The following NDUFA5 variants were observed in gnomAD, a reference collection of about 807,000 sequenced individuals.
NDUFA5 encodes NADH:ubiquinone oxidoreductase subunit A5, also known as NADH dehydrogenase [ubiquinone] 1 alpha subcomplex subunit 5.
In NDUFA5, 11 loss-of-function variants were observed where a neutral mutation model predicts 19.8. The observed-to-expected ratio is 0.56, with a 90% CI of 0.35 to 0.92. The LOEUF (loss-of-function observed/expected upper bound fraction) is 0.92. NDUFA5 is among the 40% of genes least tolerant of loss of function. The pLI is 0.01. For missense variants in NDUFA5, 109 were observed against 134.2 expected, an observed-to-expected ratio of 0.81 and a Z score of 0.93; for synonymous variants, 47 against 46.8, an observed-to-expected ratio of 1.00 and a Z score of -0.01.
At chr7:123,601,424 A>C in the NDUFA5 span, among the ~76,000 whole-genome samples, 2 of 152,196 alleles carry the variant, frequency 1.3e-5, no homozygotes, top group Non-Finnish European at 2.9e-5. Context: ...AGAAGATTGT[A>C]TTTAATGAAA....
At chr7:123,596,810 A>T in the NDUFA5 span, among the ~76,000 whole-genome samples, 1 of 152,194 alleles carries the variant, frequency 6.6e-6, no homozygotes, top group Non-Finnish European at 1.5e-5. Context: ...CAAAACACAA[A>T]TGCACATGAA....
At chr7:123,558,201 C>A, upstream of NDUFA5, 1 of 239,424 alleles carries the variant, frequency 4.2e-6, no homozygotes, top group Non-Finnish European at 8.3e-6. Flanking sequence ...AAAGTGATAA[C>A]GGAGCTTGAG....
the NDUFA5 span, among the ~76,000 whole-genome samples, chr7:123,593,036 G>C: frequency 8.8e-3 from 1,341 of 151,890 alleles, 18 homozygotes; most frequent in African/African-American, 0.031. Context: ...GGTTTTCTTT[G>C]TCTCTTTTGA....
the NDUFA5 span, among the ~76,000 whole-genome samples, chr7:123,576,933 G>A: frequency 1.3e-5 from 2 of 152,002 alleles, no homozygotes; most frequent in South Asian, 4.1e-4. Context: ...TCTCCGTGTT[G>A]CTTATGCACA....
intron 2 of NDUFA5, among the ~76,000 whole-genome samples, chr7:123,552,103 T>A (rs1197470654): frequency 6.6e-6 from 1 of 151,626 alleles, no homozygotes; most frequent in Non-Finnish European, 1.5e-5. Context: ...AAACAAGACA[T>A]GATCACTCCA....
At chr7:123,585,652 TG>T in the NDUFA5 span, among the ~76,000 whole-genome samples, 1 of 151,752 alleles carries the variant, frequency 6.6e-6, no homozygotes, top group Non-Finnish European at 1.5e-5. Context: ...TGTGTGTGTG[TG>T]TGTGTGTGTG....
chr7:123,600,866 G>A, the NDUFA5 span, among the ~76,000 whole-genome samples: 1 of 152,098 alleles, frequency 6.6e-6, no homozygotes, highest in East Asian at 1.9e-4. Context: ...GAGATGAGAC[G>A]AAAAACAAAA....
rs1798621253 is a variant in NDUFA5 at position 123,557,800 on chromosome 7, G to A, written c.-5C>T. The A allele has an allele frequency of 6.2e-7, 1 of 1,614,000 alleles. No homozygotes were observed. The stretch of plus-strand genomic sequence containing the variant: ...CTTCTTCAGCACACCCGCCATGACA[G>A]CGCCAACGACTCGGTGACGCACAAC... On this transcript the variant is annotated 5_prime_UTR_variant, in exon 1 of 5. Coordinates refer to ENST00000355749, the MANE Select transcript of NDUFA5 (RefSeq NM_005000.5).
At chr7:123,555,820 ACTTGT>A (rs967594599) in intron 2 of NDUFA5, 19 of 152,336 alleles carry the variant, frequency 1.2e-4, no homozygotes, top group Admixed American at 9.8e-4. Flanking sequence ...ACAGTAAGAA[ACTTGT>A]CTTTATTTAG....
At chr7:123,557,082 G>A (rs1385177684) in intron 2 of NDUFA5, 3 of 565,720 alleles carry the variant, frequency 5.3e-6, no homozygotes, top group East Asian at 4.1e-5. Flanking sequence ...AAGCAGAAAC[G>A]GTAAGGCAAG....
At chr7:123,556,884 T>G (rs767885357) in intron 2 of NDUFA5, 48 of 513,940 alleles carry the variant, frequency 9.3e-5, no homozygotes, top group Non-Finnish European at 1.2e-4. Context: ...AAAATAGAGA[T>G]AACTCTTTTG....
the NDUFA5 span, among the ~76,000 whole-genome samples, chr7:123,591,717 A>G: frequency 6.6e-6 from 1 of 152,038 alleles, no homozygotes. Context: ...TTTACTGAGG[A>G]TTTTCACATC....
the NDUFA5 span, chr7:123,598,769 C>T: frequency 6.6e-6 from 1 of 152,174 alleles, no homozygotes; most frequent in African/African-American, 2.4e-5. Context: ...TATAGTGCTA[C>T]CTTACTAAAA....
chr7:123,582,279 G>T, the NDUFA5 span, among the ~76,000 whole-genome samples: 1 of 151,746 alleles, frequency 6.6e-6, no homozygotes, highest in Non-Finnish European at 1.5e-5. Flanking sequence ...AGATGGGGAG[G>T]GGGGGTTGCA....
At chr7:123,558,094 C>T (rs1798631662), upstream of NDUFA5, 2 of 528,042 alleles carry the variant, frequency 3.8e-6, no homozygotes, top group Non-Finnish European at 6.8e-6. Context: ...GAGGGAAACA[C>T]TCCCAACTAC....
the NDUFA5 span, among the ~76,000 whole-genome samples, chr7:123,566,440 G>A: frequency 6.6e-6 from 1 of 152,108 alleles, no homozygotes; most frequent in African/African-American, 2.4e-5. Context: ...AATACCCTGA[G>A]AAATAGATTA....
At chr7:123,582,980 C>A in the NDUFA5 span, among the ~76,000 whole-genome samples, 13 of 152,126 alleles carry the variant, frequency 8.5e-5, no homozygotes, top group Middle Eastern at 3.4e-3. Flanking sequence ...CTACTAGCCT[C>A]TATTTTAAAA....
At chr7:123,564,854 A>G in the NDUFA5 span, among the ~76,000 whole-genome samples, 1 of 151,204 alleles carries the variant, frequency 6.6e-6, no homozygotes, top group Non-Finnish European at 1.5e-5. Context: ...TGATGGGTTT[A>G]TTGGTATATA....
the NDUFA5 span, among the ~76,000 whole-genome samples, chr7:123,576,664 C>A: frequency 1.3e-5 from 2 of 152,090 alleles, no homozygotes; most frequent in Non-Finnish European, 2.9e-5. Flanking sequence ...CTTGTACCAC[C>A]ACCTTGCTCT....
Sources: gnomAD v4.1 joint callset for allele counts (sites outside exome capture counted in the v4.1 genomes callset) on GRCh38, gnomAD v4.1.1 for gene constraint, MANE v1.5 for transcripts, NCBI Gene and HGNC (gene_info 2026-07-23, HGNC 2026-07-21) for gene names.